Variants in TMEFF2 observed in about 807,000 individuals in gnomAD.
The protein encoded by TMEFF2 is transmembrane protein with EGF like and two follistatin like domains 2.
A neutral mutation model predicts 53.8 loss-of-function variants in TMEFF2; 28 were observed. The observed-to-expected ratio is 0.52, with a 90% CI of 0.39 to 0.71. TMEFF2 has a LOEUF of 0.71. Ranked by LOEUF, TMEFF2 falls within the 30% of genes least tolerant of loss-of-function variation. The pLI is 0.00. For synonymous variants in TMEFF2, 162 were observed against 166.3 expected, an observed-to-expected ratio of 0.97 and a Z score of 0.20; for missense variants, 353 against 455.2, an observed-to-expected ratio of 0.78 and a Z score of 2.04.
intron 9 of TMEFF2, among the ~76,000 whole-genome samples, chr2:191,951,239 A>T (rs13005845): frequency 0.28 from 42,657 of 151,600 alleles, 6,133 homozygotes; most frequent in African/African-American, 0.31. Context: ...TCTGTTAAAG[A>T]GAACATGGAG....
Position 191,999,094 on chromosome 2 carries a change from C to T in TMEFF2, c.651G>A (p.Glu217=), listed in dbSNP as rs767360126. 5 of 1,610,598 alleles carry T rather than the reference C, an allele frequency of 3.1e-6. No homozygotes were observed. The Admixed American group carries it at 6.7e-5, about 22-fold the overall frequency. ...GACCCAAAGACATGACTTCAATTTT[C>T]TCCTGTTTCTGACACGATGCTTCTT... is the stretch of plus-strand genomic sequence containing the variant. ...QIKEASCQKQ[E]KIEVMSLGRC... The change falls in exon 6 of 10, where the codon GAG becomes GAA. Residue 217 remains glutamate (E), a synonymous_variant. Coordinates refer to ENST00000272771, the MANE Select transcript of TMEFF2 (RefSeq NM_016192.4).
At chr2:192,158,611 G>A (rs1228744556) in intron 4 of TMEFF2, among the ~76,000 whole-genome samples, 2 of 151,924 alleles carry the variant, frequency 1.3e-5, no homozygotes, top group African/African-American at 4.8e-5. Context: ...CTATGTTTTT[G>A]TCTCCACTCT....
At position 192,184,367 on chromosome 2, in the gene TMEFF2, T is replaced by A. The variant is rs2106040202; in HGVS notation, c.399A>T (p.Gly133=). ...QQSEILVVSE[G]SCATDAGSGS... Reference sequence around the variant, plus strand: ...TCACACACATACCTGTGGCACATGATCCTTCTGACACCACAAGTATCTCAC... The same window carrying A: ...TCACACACATACCTGTGGCACATGAACCTTCTGACACCACAAGTATCTCAC... The change falls in exon 3 of 10, where the codon GGA becomes GGT. Residue 133 remains glycine (G), a synonymous_variant. Transcript: ENST00000272771. The A allele has an allele frequency of 6.2e-7, 1 of 1,613,240 alleles. No homozygotes were observed. Among genetic ancestry groups the A allele is most frequent in the East Asian group, 2.2e-5 (1 of 44,850 alleles).
chr2:191,985,088 A>C (rs115327430), intron 7 of TMEFF2, among the ~76,000 whole-genome samples: 1,576 of 152,180 alleles, frequency 0.01, 25 homozygotes, highest in African/African-American at 0.036. Flanking sequence ...AATATGAAAA[A>C]CACTTAGAAT....
At chr2:191,984,692 G>A (rs1685934768) in intron 7 of TMEFF2, among the ~76,000 whole-genome samples, 1 of 151,454 alleles carries the variant, frequency 6.6e-6, no homozygotes, top group Admixed American at 6.6e-5. Context: ...AACATGTTGA[G>A]CCCAATAAAC....
chr2:191,976,814 C>T (rs1048035972), intron 7 of TMEFF2, among the ~76,000 whole-genome samples: 1 of 152,134 alleles, frequency 6.6e-6, no homozygotes, highest in African/African-American at 2.4e-5. Flanking sequence ...TAACAGATAC[C>T]TATACACACT....
rs1364266805 is a variant in TMEFF2, at chr2:191,949,875, T to C, written c.*436A>G. 6 of 986,940 alleles carry C rather than the reference T, an allele frequency of 6.1e-6. No homozygotes were observed. Among genetic ancestry groups the C allele is most frequent in the African/African-American group, 1.7e-5 (1 of 57,274 alleles). 61.1% of individuals were successfully genotyped at this position (986,940 alleles called of 1,614,324 possible). Reference sequence around the variant, plus strand: ...ATCATTTCCCTTGATCTTGGAATCATTCAAAACCTAGCCACTGAGTCCTGT... The same window carrying C: ...ATCATTTCCCTTGATCTTGGAATCACTCAAAACCTAGCCACTGAGTCCTGT... On this transcript the variant is annotated 3_prime_UTR_variant, in exon 10 of 10. Transcript: ENST00000272771.
rs1691806232 is a variant in TMEFF2, at chr2:191,949,567, T to G, written c.*744A>C. The G allele has an allele frequency of 1.0e-6, 1 of 985,324 alleles. No homozygotes were observed. The highest frequency in any genetic ancestry group is 1.7e-5 in the African/African-American group (1 of 57,236). The allele number at this position is 985,324 out of a possible 1,614,324, so 61.0% of individuals were successfully genotyped here. On this transcript the variant is annotated 3_prime_UTR_variant, in exon 10 of 10. Coordinates refer to ENST00000272771, the MANE Select transcript of TMEFF2 (RefSeq NM_016192.4). ...TTTGCCACTCTGTGTATACCTAGTA[T>G]GTAACTTGTTCAGTAAGTTCAGATA... is the stretch of plus-strand genomic sequence containing the variant.
chr2:192,123,851 T>C (rs937574397), intron 4 of TMEFF2, among the ~76,000 whole-genome samples: 3 of 152,234 alleles, frequency 2.0e-5, no homozygotes, highest in African/African-American at 7.2e-5. Context: ...TTATTCACTA[T>C]TGAGTTGGTT....
intron 5 of TMEFF2, among the ~76,000 whole-genome samples, chr2:192,037,318 AAAG>A (rs1687334905): frequency 7.5e-6 from 1 of 134,026 alleles, no homozygotes; most frequent in Non-Finnish European, 1.6e-5. Flanking sequence ...AGAAAGAAAG[AAAG>A]AAAGAAAGAA....
intron 7 of TMEFF2, among the ~76,000 whole-genome samples, chr2:191,983,759 G>A (rs561685035): frequency 6.6e-6 from 1 of 152,236 alleles, no homozygotes; most frequent in African/African-American, 2.4e-5. Flanking sequence ...ACCACTCAAA[G>A]GAAACAGAAC....
intron 7 of TMEFF2, among the ~76,000 whole-genome samples, chr2:191,967,229 G>T (rs908548501): frequency 2.6e-5 from 4 of 152,084 alleles, no homozygotes; most frequent in African/African-American, 9.7e-5. Flanking sequence ...TACCTGAGCA[G>T]AATTTATAGG....
At chr2:192,133,449 C>G (rs1398732523) in intron 4 of TMEFF2, among the ~76,000 whole-genome samples, 1 of 152,212 alleles carries the variant, frequency 6.6e-6, no homozygotes. Context: ...CCTGTTATCA[C>G]TCGTCTGCTA....
intron 4 of TMEFF2, among the ~76,000 whole-genome samples, chr2:192,104,208 T>C (rs980518906): frequency 2.0e-5 from 3 of 152,152 alleles, no homozygotes; most frequent in Admixed American, 1.3e-4. Context: ...AGGTAGCTTC[T>C]GACAGGATTT....
At chr2:192,105,710 A>C (rs1371990421) in intron 4 of TMEFF2, among the ~76,000 whole-genome samples, 1 of 151,992 alleles carries the variant, frequency 6.6e-6, no homozygotes, top group African/African-American at 2.4e-5. Context: ...GCCATAATAA[A>C]ACTAATTCCA....
chr2:192,115,633 T>G (rs1422154411), intron 4 of TMEFF2, among the ~76,000 whole-genome samples: 1 of 151,780 alleles, frequency 6.6e-6, no homozygotes, highest in Non-Finnish European at 1.5e-5. Flanking sequence ...TACAACTCAA[T>G]AGCAAAAATC....
intron 7 of TMEFF2, among the ~76,000 whole-genome samples, chr2:191,960,898 A>AGAC (rs1164191551): frequency 1.3e-5 from 2 of 152,178 alleles, no homozygotes; most frequent in Non-Finnish European, 2.9e-5. Flanking sequence ...GGGATGTTGT[A>AGAC]GACTGTTAAT....
chr2:192,039,301 G>T (rs1687415711), intron 5 of TMEFF2, among the ~76,000 whole-genome samples: 1 of 152,178 alleles, frequency 6.6e-6, no homozygotes. Context: ...AGAATTGGTA[G>T]TAGGAAGTCT....
At chr2:192,090,985 A>G in intron 4 of TMEFF2, among the ~76,000 whole-genome samples, 1 of 152,136 alleles carries the variant, frequency 6.6e-6, no homozygotes, top group South Asian at 2.1e-4. Context: ...CTAATGCTCC[A>G]CTGATGTGTT....
Sources: gnomAD v4.1 joint callset for allele counts (sites outside exome capture counted in the v4.1 genomes callset) on GRCh38, gnomAD v4.1.1 for gene constraint, MANE v1.5 for transcripts, NCBI Gene and HGNC (gene_info 2026-07-23, HGNC 2026-07-21) for gene names.